AKAP13: variants seen among roughly 807,000 people sequenced by gnomAD.
AKAP13 encodes the protein A-kinase anchor protein 13.
Under a neutral mutation model 264.5 loss-of-function variants are expected in AKAP13, and 80 were observed. The ratio of observed to expected loss-of-function variants is 0.30; its 90% CI spans 0.25 to 0.36. The LOEUF (loss-of-function observed/expected upper bound fraction) is 0.36, where lower values mean the gene tolerates loss of function less well. AKAP13 is among the 10% of genes least tolerant of loss of function. The pLI, the probability that AKAP13 is intolerant of heterozygous loss-of-function variation, is 1.00. For missense variants in AKAP13, 3,712 were observed against 3,435.2 expected (o/e 1.08, Z -2.01); for synonymous variants, 1,380 against 1,250.2 (o/e 1.10, Z -2.19).
intron 8 of AKAP13, chr15:85,619,861 C>G: frequency 7.2e-7 from 1 of 1,391,934 alleles, no homozygotes; most frequent in Non-Finnish European, 9.3e-7. Flanking sequence ...TTCCAGCACT[C>G]TGAAGTTATC....
intron 1 of AKAP13, among the ~76,000 whole-genome samples, chr15:85,388,039 C>T (rs1399875007): frequency 1.4e-5 from 2 of 143,784 alleles, no homozygotes; most frequent in Non-Finnish European, 3.0e-5. Flanking sequence ...CTTTCATTTC[C>T]TTTTTTTTTT....
chr15:85,741,989 G>C (rs1189452021), intron 35 of AKAP13, among the ~76,000 whole-genome samples: 2 of 152,068 alleles, frequency 1.3e-5, no homozygotes, highest in African/African-American at 4.8e-5. Flanking sequence ...GGATTGCAGC[G>C]AGCCGAGATC....
chr15:85,521,867 C>T (rs896050778), intron 3 of AKAP13, among the ~76,000 whole-genome samples: 7 of 152,058 alleles, frequency 4.6e-5, no homozygotes, highest in Admixed American at 3.3e-4. Flanking sequence ...TATTTATCCT[C>T]CTACTTGGCA....
chr15:85,714,025 T>G (rs1305470196), intron 19 of AKAP13, among the ~76,000 whole-genome samples: 3 of 152,068 alleles, frequency 2.0e-5, no homozygotes, highest in African/African-American at 7.2e-5. Context: ...CCCCATGCAG[T>G]CAAAAATCCA....
intron 5 of AKAP13, among the ~76,000 whole-genome samples, chr15:85,553,569 C>T (rs544057560): frequency 6.6e-6 from 1 of 152,212 alleles, no homozygotes; most frequent in Non-Finnish European, 1.5e-5. Flanking sequence ...TTAACAGTTT[C>T]TATAGTCACT....
At chr15:85,389,462 T>G (rs1567033647) in intron 1 of AKAP13, among the ~76,000 whole-genome samples, 1 of 152,208 alleles carries the variant, frequency 6.6e-6, no homozygotes, top group Admixed American at 6.5e-5. Context: ...GGATGCTGCC[T>G]CATGCATTTT....
chr15:85,485,463 C>T (rs116176109), intron 1 of AKAP13, among the ~76,000 whole-genome samples: 1 of 152,110 alleles, frequency 6.6e-6, no homozygotes, highest in African/African-American at 2.4e-5. Flanking sequence ...GACAGTGAAG[C>T]CTTTTGTCTT....
At chr15:85,625,327 T>C (rs1271986151) in intron 8 of AKAP13, among the ~76,000 whole-genome samples, 1 of 152,220 alleles carries the variant, frequency 6.6e-6, no homozygotes, top group Non-Finnish European at 1.5e-5. Context: ...ATTATTTGCA[T>C]TGCCAACACT....
chr15:85,740,512 T>C (rs916959707), intron 34 of AKAP13: 2 of 511,034 alleles, frequency 3.9e-6, no homozygotes, highest in Admixed American at 3.3e-5. Flanking sequence ...ACAAATCACA[T>C]AGCATGCTAA....
Position 85,708,333 on chromosome 15 carries a change from C to G in AKAP13, c.5532+247C>G, listed in dbSNP as rs1159350204. On this transcript the variant is annotated intron_variant, in intron 18 of 36. Coordinates refer to ENST00000394518, the MANE Select transcript of AKAP13 (RefSeq NM_007200.5). The surrounding 1 kb of genome is among the most constrained non-coding windows in gnomAD (Gnocchi z 4.3). ...TCAGAACTTCTTCACGTTCAATATACATTTCTTCGTGATTTTAATATTTCC... is the reference window on the plus strand; with the variant it reads ...TCAGAACTTCTTCACGTTCAATATAGATTTCTTCGTGATTTTAATATTTCC... 1.3e-5 allele frequency among the ~76,000 whole-genome samples: 2 copies of G among 152,196 alleles called. No individual in the cohort carries two copies. The highest frequency in any genetic ancestry group is 4.8e-5 in the African/African-American group (2 of 41,450).
intron 5 of AKAP13, among the ~76,000 whole-genome samples, chr15:85,549,547 G>A (rs1467663539): frequency 4.6e-5 from 7 of 152,138 alleles, no homozygotes; most frequent in South Asian, 2.1e-4. Context: ...TATCAACCTC[G>A]TGAAATAGGC....
At chr15:85,594,439 G>A (rs1000072616) in intron 8 of AKAP13, among the ~76,000 whole-genome samples, 2 of 152,168 alleles carry the variant, frequency 1.3e-5, no homozygotes, top group Non-Finnish European at 2.9e-5. Context: ...TGAAATGGAC[G>A]CTAAATTCTC....
At chr15:85,686,794 A>G (rs993874699) in intron 16 of AKAP13, among the ~76,000 whole-genome samples, 2 of 152,242 alleles carry the variant, frequency 1.3e-5, no homozygotes, top group African/African-American at 4.8e-5. Flanking sequence ...GTATTATTAA[A>G]TGCTTTGTAT....
chr15:85,453,133 G>A (rs1363149582), intron 1 of AKAP13, among the ~76,000 whole-genome samples: 2 of 152,312 alleles, frequency 1.3e-5, no homozygotes, highest in East Asian at 3.9e-4. Flanking sequence ...TTGTTGGAGT[G>A]TGGATAAAGC....
chr15:85,725,489 TA>T (rs923589723), intron 26 of AKAP13, among the ~76,000 whole-genome samples: 37 of 152,144 alleles, frequency 2.4e-4, no homozygotes, highest in African/African-American at 8.9e-4. Flanking sequence ...TAGTTTAGCC[TA>T]AAAAAATTAG....
At chr15:85,600,111 G>C (rs1224640289) in intron 8 of AKAP13, among the ~76,000 whole-genome samples, 1 of 152,052 alleles carries the variant, frequency 6.6e-6, no homozygotes, top group Non-Finnish European at 1.5e-5. Context: ...AGGTGAAGGA[G>C]ACCTTTAATG....
In AKAP13 at chr15:85,424,214, A is replaced by G. The variant is rs546977778; in HGVS notation, c.-12+43416A>G. Among the ~76,000 whole-genome samples the G allele has an allele frequency of 3.3e-5, 5 of 152,298 alleles. No individual in the cohort carries two copies. In the East Asian group the frequency reaches 9.6e-4, roughly 29 times the overall value. On this transcript the variant is annotated intron_variant, in intron 1 of 36. Coordinates refer to ENST00000394518, the MANE Select transcript of AKAP13 (RefSeq NM_007200.5). Reference sequence around the variant, plus strand: ...TTTGACTTTCCCTCTCTAGCTATGGAAGTCCTAGATGGTGTCTTCTTCCAG... The same window carrying G: ...TTTGACTTTCCCTCTCTAGCTATGGGAGTCCTAGATGGTGTCTTCTTCCAG...
chr15:85,742,528 T>G lies in AKAP13; in HGVS notation c.8059-964T>G, dbSNP rs547645104. On this transcript the variant is annotated intron_variant, in intron 35 of 36. Coordinates refer to ENST00000394518, the MANE Select transcript of AKAP13 (RefSeq NM_007200.5). Reference sequence around the variant, plus strand: ...CCACTCCTCTCGTGGATGGATGATATTCTTGCTTGGGGATGTTGAGACAGC... The same window carrying G: ...CCACTCCTCTCGTGGATGGATGATAGTCTTGCTTGGGGATGTTGAGACAGC... Among the ~76,000 whole-genome samples, 19 of 152,332 alleles carry G rather than the reference T, an allele frequency of 1.2e-4. No homozygotes were observed. The East Asian group carries it at 3.5e-3, about 28-fold the overall frequency.
At chr15:85,607,698 T>G (rs932014437) in intron 8 of AKAP13, among the ~76,000 whole-genome samples, 2 of 94,480 alleles carry the variant, frequency 2.1e-5, no homozygotes, top group Non-Finnish European at 5.1e-5. Context: ...TTCTCCACTC[T>G]TTAAACATAT....
Sources: gnomAD v4.1 joint callset for allele counts (sites outside exome capture counted in the v4.1 genomes callset) on GRCh38, gnomAD v4.1.1 for gene constraint, Gnocchi (gnomAD v3.1) non-coding constraint, MANE v1.5 for transcripts, NCBI Gene and HGNC (gene_info 2026-07-23, HGNC 2026-07-21) for gene names.